TOPAZ1: variants seen among roughly 807,000 people sequenced by gnomAD.
TOPAZ1 encodes protein TOPAZ1.
Under a neutral mutation model 172.2 loss-of-function variants are expected in TOPAZ1, and 66 were observed. That is an observed-to-expected ratio of 0.38 (90% CI 0.31 to 0.47). TOPAZ1 has a LOEUF of 0.47. Ranked by LOEUF, TOPAZ1 falls within the 20% of genes least tolerant of loss-of-function variation. TOPAZ1 has a pLI of 0.99. For synonymous variants in TOPAZ1, 681 were observed against 683.9 expected, an observed-to-expected ratio of 1.00 and a Z score of 0.07; for missense variants, 1,822 against 1,972.4, an observed-to-expected ratio of 0.92 and a Z score of 1.44.
intron 2 of TOPAZ1, among the ~76,000 whole-genome samples, chr3:44,246,426 C>T (rs1033544060): frequency 2.6e-5 from 4 of 152,070 alleles, no homozygotes; most frequent in African/African-American, 9.7e-5. Flanking sequence ...GTTTCTCTGC[C>T]ATTTATTTGC....
chr3:44,278,246 A>AT (rs1053040933), intron 8 of TOPAZ1, among the ~76,000 whole-genome samples: 6 of 151,838 alleles, frequency 4.0e-5, no homozygotes, highest in African/African-American at 1.2e-4. Context: ...ATCATGATGT[A>AT]TTTTTTTTAT....
intron 5 of TOPAZ1, among the ~76,000 whole-genome samples, chr3:44,262,749 G>C (rs545484229): frequency 4.4e-4 from 67 of 152,306 alleles, no homozygotes; most frequent in Middle Eastern, 6.8e-3. Context: ...AATGATGTAT[G>C]TTTGACTTTT....
chr3:44,269,471 CTTTTTTTTTTTTTTTT>C (rs71085612), intron 7 of TOPAZ1, among the ~76,000 whole-genome samples, 170 bp downstream of exon 7: 3 of 33,934 alleles, frequency 8.8e-5, no homozygotes, highest in South Asian at 2.6e-3. Flanking sequence ...TCCCTATCAT[CTTTTTTTTTTTTTTTT>C]TTTTTTTTTT....
chr3:44,278,567 G>A (rs1172325990), intron 8 of TOPAZ1, among the ~76,000 whole-genome samples: 3 of 152,118 alleles, frequency 2.0e-5, no homozygotes, highest in African/African-American at 7.2e-5. Flanking sequence ...TTCAATCTCA[G>A]TAGGCTGTAT....
chr3:44,257,412 T>TGTGTGTG (rs1321624131), intron 4 of TOPAZ1, among the ~76,000 whole-genome samples: 34 of 122,812 alleles, frequency 2.8e-4, no homozygotes, highest in Non-Finnish European at 4.2e-4. Flanking sequence ...TGTGTGTCTA[T>TGTGTGTG]TTTATATATT....
intron 8 of TOPAZ1, among the ~76,000 whole-genome samples, chr3:44,280,829 G>A (rs1700015082): frequency 6.6e-6 from 1 of 152,222 alleles, no homozygotes; most frequent in Admixed American, 6.5e-5. Context: ...TGTCAGTGGG[G>A]CTCCAGGGAT....
chr3:44,290,540 A>G (rs1343529848), intron 11 of TOPAZ1, among the ~76,000 whole-genome samples: 1 of 152,250 alleles, frequency 6.6e-6, no homozygotes, highest in African/African-American at 2.4e-5. Context: ...AGTGGTTGAG[A>G]TAACTTAGAG....
At chr3:44,281,761 T>C (rs1294163682) in intron 8 of TOPAZ1, among the ~76,000 whole-genome samples, 1 of 152,236 alleles carries the variant, frequency 6.6e-6, no homozygotes, top group Non-Finnish European at 1.5e-5. Flanking sequence ...CACCAGCAAA[T>C]GGTTATTTAA....
At chr3:44,331,467 A>G (rs1700667791) in intron 19 of TOPAZ1, among the ~76,000 whole-genome samples, 1 of 152,120 alleles carries the variant, frequency 6.6e-6, no homozygotes, top group African/African-American at 2.4e-5. Context: ...CTGGGACTAC[A>G]GGCGCACATC....
Position 44,287,799 on chromosome 3 carries a change from T to C in TOPAZ1, c.3641T>C (p.Leu1214Ser). ...TTTGAGTATGTGGCAACTATGAAATTAAGGAATGCTGTACCTGCTTTAATT... is the reference window on the plus strand; with the variant it reads ...TTTGAGTATGTGGCAACTATGAAATCAAGGAATGCTGTACCTGCTTTAATT... The part of the protein sequence containing the change: ...NIFEYVATMK[L>S]RNAVPALIDI... Residue 1214 changes from leucine (L) to serine (S), a missense_variant, in exon 11 of 20, where the codon TTA (leucine) becomes TCA (serine). Leu to Ser is a moderately radical substitution (Grantham distance 145). Around this residue, in one of 2 missense-constraint regions of TOPAZ1, gnomAD observed 1,489 missense variants for 1,490.8 expected, o/e 1.00. Coordinates refer to ENST00000309765, the MANE Select transcript of TOPAZ1 (RefSeq NM_001145030.2). The C allele has an allele frequency of 6.6e-7, 1 of 1,514,692 alleles. No individual in the cohort carries two copies. The highest frequency in any genetic ancestry group is 8.9e-7 in the Non-Finnish European group (1 of 1,124,262). 93.8% of individuals were successfully genotyped at this position (1,514,692 alleles called of 1,614,324 possible). A position where few individuals can be genotyped will look rare whatever the true frequency, so the allele number is the denominator to read the frequency against.
At chr3:44,309,732 C>G in intron 15 of TOPAZ1, 93 bp from the exon 16 acceptor site, 1 of 948,690 alleles carries the variant, frequency 1.1e-6, no homozygotes, top group South Asian at 1.8e-5. Context: ...GATGATGATT[C>G]AAACTGGATA....
chr3:44,318,757 G>A (rs908429287), intron 16 of TOPAZ1, among the ~76,000 whole-genome samples: 29 of 142,240 alleles, frequency 2.0e-4, no homozygotes, highest in South Asian at 1.1e-3. Context: ...CCCATTCCTC[G>A]GAAAAAAAAA....
intron 16 of TOPAZ1, among the ~76,000 whole-genome samples, chr3:44,313,632 A>G (rs557443583): frequency 6.6e-6 from 1 of 151,742 alleles, no homozygotes; most frequent in Non-Finnish European, 1.5e-5. Flanking sequence ...AAAAAAAAAA[A>G]AAGCCCCCCA....
intron 2 of TOPAZ1, among the ~76,000 whole-genome samples, chr3:44,250,077 G>A (rs1329034846): frequency 6.6e-6 from 1 of 152,018 alleles, no homozygotes. Context: ...TTTTGCCCAG[G>A]CATTTGAGTC....
chr3:44,270,827 C>G lies in TOPAZ1; in HGVS notation c.3372+17C>G. Reference sequence around the variant, plus strand: ...GATGAAAAGGTAAAACATATAAAGTCTTTAAAGTAGAGATTGTTTTAATAA... The same window carrying G: ...GATGAAAAGGTAAAACATATAAAGTGTTTAAAGTAGAGATTGTTTTAATAA... On this transcript the variant is annotated intron_variant, in intron 8 of 19. Transcript: ENST00000309765. 1.3e-6 allele frequency: 2 copies of G among 1,531,560 alleles called. No homozygotes were observed. Among genetic ancestry groups the G allele is most frequent in the Admixed American group, 2.1e-5 (1 of 46,770 alleles). The allele number at this position is 1,531,560 out of a possible 1,614,324, so 94.9% of individuals were successfully genotyped here.
At chr3:44,293,716 T>C (rs1700165020) in intron 12 of TOPAZ1, among the ~76,000 whole-genome samples, 1 of 152,170 alleles carries the variant, frequency 6.6e-6, no homozygotes, top group Non-Finnish European at 1.5e-5. Context: ...AGAGAAACTT[T>C]TTTTCTAAAT....
intron 18 of TOPAZ1, among the ~76,000 whole-genome samples, chr3:44,327,814 G>A (rs1032722370): frequency 2.6e-5 from 4 of 151,714 alleles, no homozygotes; most frequent in South Asian, 2.1e-4. Context: ...GCACAATCTC[G>A]GCTCACTGCA....
Position 44,285,656 on chromosome 3 carries a change from G to A in TOPAZ1, c.3437-1733G>A, listed in dbSNP as rs184952719. On this transcript the variant is annotated intron_variant, in intron 9 of 19. Coordinates refer to ENST00000309765, the MANE Select transcript of TOPAZ1 (RefSeq NM_001145030.2). ...ACGATCTTGGCTCACTGCAACCTCC[G>A]CCTCCTGGGTTCAAGCGATTCTCCT... Among the ~76,000 whole-genome samples, 382 of 151,562 alleles carry A rather than the reference G, an allele frequency of 2.5e-3. 3 individuals carry two copies. The East Asian group carries it at 0.049, about 19-fold the overall frequency.
chr3:44,295,329 A>G (rs143220496), intron 12 of TOPAZ1, among the ~76,000 whole-genome samples: 307 of 152,316 alleles, frequency 2.0e-3, no homozygotes, highest in African/African-American at 6.3e-3. Flanking sequence ...GTAGATGAAT[A>G]ATATAGTATA....
Sources: allele counts gnomAD v4.1 joint callset (sites outside exome capture counted in the v4.1 genomes callset), GRCh38; gene constraint gnomAD v4.1.1; regional missense constraint gnomAD v4.1.1; transcripts MANE v1.5; gene names NCBI Gene and HGNC (gene_info 2026-07-23, HGNC 2026-07-21).